RNF144B: variants seen among roughly 807,000 people sequenced by gnomAD.
RNF144B encodes ring finger protein 144B, also known as E3 ubiquitin-protein ligase RNF144B.
In RNF144B, 25 loss-of-function variants were observed where a neutral mutation model predicts 40.2. That is an observed-to-expected ratio of 0.62 (90% CI 0.45 to 0.87). The LOEUF (loss-of-function observed/expected upper bound fraction) is 0.87, where lower values mean the gene tolerates loss of function less well. RNF144B is among the 40% of genes least tolerant of loss of function. RNF144B has a pLI of 0.00. For synonymous variants in RNF144B, 145 were observed against 136.3 expected, an observed-to-expected ratio of 1.06 and a Z score of -0.44; for missense variants, 365 against 373.7, an observed-to-expected ratio of 0.98 and a Z score of 0.19.
chr6:18,396,831 A>T, intron 1 of RNF144B: 1 of 985,168 alleles, frequency 1.0e-6, no homozygotes, highest in African/African-American at 1.7e-5. Flanking sequence ...AGGTAAAGTC[A>T]TTCATTTTTA....
chr6:18,453,103 T>C (rs1759246058), intron 4 of RNF144B, among the ~76,000 whole-genome samples: 1 of 151,164 alleles, frequency 6.6e-6, no homozygotes, highest in Non-Finnish European at 1.5e-5. Flanking sequence ...TACATGTTTT[T>C]ATAAAAATGT....
At chr6:18,449,664 T>A (rs1759164723) in intron 4 of RNF144B, among the ~76,000 whole-genome samples, 1 of 151,472 alleles carries the variant, frequency 6.6e-6, no homozygotes, top group Admixed American at 6.6e-5. Context: ...CAGATAAAAT[T>A]GTATGTATTT....
intron 7 of RNF144B, 142 bp downstream of exon 7, chr6:18,463,522 A>C: frequency 1.6e-6 from 1 of 615,538 alleles, no homozygotes; most frequent in East Asian, 2.8e-5. Flanking sequence ...GGGCAGGGCT[A>C]GGGAAAAGTA....
Position 18,465,184 on chromosome 6 carries a change from C to G in RNF144B, c.*117C>G. ...GCCAACTTTGAAAGTGCCTCCGTGTCCAGACTTTGAACTTGCCTGCCAGCC... is the reference window on the plus strand; with the variant it reads ...GCCAACTTTGAAAGTGCCTCCGTGTGCAGACTTTGAACTTGCCTGCCAGCC... On this transcript the variant is annotated 3_prime_UTR_variant, in exon 8 of 8. Coordinates refer to ENST00000259939, the MANE Select transcript of RNF144B (RefSeq NM_182757.4). The G allele has an allele frequency of 9.4e-7, 1 of 1,059,322 alleles. No homozygotes were observed. Among genetic ancestry groups the G allele is most frequent in the Non-Finnish European group, 1.4e-6 (1 of 728,562 alleles). The allele number at this position is 1,059,322 out of a possible 1,614,324, so 65.6% of individuals were successfully genotyped here.
rs969356092 is a variant in RNF144B at position 18,414,510 on chromosome 6, A to G, written c.166-13071A>G. On this transcript the variant is annotated intron_variant, in intron 2 of 7. Transcript: ENST00000259939. This position sits in a 1 kb window ranked among gnomAD's most constrained non-coding sequence, Gnocchi z 4.9. ...TTATTCTGTCACTTATACAGTGTTA[A>G]TATTCTTTTAAAATTTCAAAAATTC... Among the ~76,000 whole-genome samples, 1 of 152,186 alleles carries G rather than the reference A, an allele frequency of 6.6e-6. No homozygotes were observed. The highest frequency in any genetic ancestry group is 1.5e-5 in the Non-Finnish European group (1 of 68,032).
rs1020216042 is a variant in RNF144B at position 18,446,857 on chromosome 6, G to T, written c.331+7113G>T. On this transcript the variant is annotated intron_variant, in intron 4 of 7. Transcript: ENST00000259939. This position sits in a 1 kb window ranked among gnomAD's most constrained non-coding sequence, Gnocchi z 4.7. The stretch of plus-strand genomic sequence containing the variant: ...TATTTTAGGGTGTGTGTGTGTGTGT[G>T]TGTGTGTGTGTGTGTGTCTGTGTGT... Among the ~76,000 whole-genome samples, 1 of 148,280 alleles carries T rather than the reference G, an allele frequency of 6.7e-6. No individual in the cohort carries two copies. Among genetic ancestry groups the T allele is most frequent in the Non-Finnish European group, 1.5e-5 (1 of 66,132 alleles).
intron 2 of RNF144B, among the ~76,000 whole-genome samples, chr6:18,402,314 G>C (rs1794812560): frequency 1.1e-5 from 1 of 87,760 alleles, no homozygotes; most frequent in Non-Finnish European, 2.7e-5. Flanking sequence ...AATAGGGGGT[G>C]CAGTATACTC....
At chr6:18,449,663 TTGTA>T (rs1456025759) in intron 4 of RNF144B, among the ~76,000 whole-genome samples, 1 of 151,552 alleles carries the variant, frequency 6.6e-6, no homozygotes, top group African/African-American at 2.4e-5. Context: ...ACAGATAAAA[TTGTA>T]TGTATTTACT....
chr6:18,427,256 A>T (rs923082702), intron 2 of RNF144B, among the ~76,000 whole-genome samples: 30 of 149,996 alleles, frequency 2.0e-4, no homozygotes, highest in African/African-American at 4.4e-4. Flanking sequence ...AGGAACTCAT[A>T]TTTTTTTTTT....
At chr6:18,455,649 T>C (rs2113533041) in intron 4 of RNF144B, among the ~76,000 whole-genome samples, 1 of 152,248 alleles carries the variant, frequency 6.6e-6, no homozygotes, top group East Asian at 1.9e-4. Context: ...ACCCCTCAAA[T>C]AACATCATTT....
chr6:18,451,024 AT>A (rs1266404058), intron 4 of RNF144B, among the ~76,000 whole-genome samples: 3 of 152,256 alleles, frequency 2.0e-5, no homozygotes, highest in South Asian at 2.1e-4. Flanking sequence ...GGATAAAAAA[AT>A]CATAACAAAC....
intron 3 of RNF144B, among the ~76,000 whole-genome samples, chr6:18,438,524 T>C (rs1444354049): frequency 1.3e-5 from 2 of 152,200 alleles, no homozygotes; most frequent in Non-Finnish European, 2.9e-5. Context: ...CAAACTTGTT[T>C]TGTGGTCCTT....
intron 1 of RNF144B, 106 bp from the exon 2 acceptor site, chr6:18,399,393 T>G: frequency 2.6e-6 from 2 of 774,224 alleles, no homozygotes; most frequent in Admixed American, 6.1e-5. Flanking sequence ...CTGTAAGTTT[T>G]GGGATAACTG....
Position 18,468,443 on chromosome 6 carries a change from C to T in RNF144B, c.*3376C>T, listed in dbSNP as rs1376756575. 1.3e-5 allele frequency: 2 copies of T among 152,142 alleles called. No individual in the cohort carries two copies. Among genetic ancestry groups the T allele is most frequent in the African/African-American group, 2.4e-5 (1 of 41,430 alleles). 9.4% of individuals were successfully genotyped at this position (152,142 alleles called of 1,614,324 possible). A position where few individuals can be genotyped will look rare whatever the true frequency, so the allele number is the denominator to read the frequency against. On this transcript the variant is annotated 3_prime_UTR_variant, in exon 8 of 8. Coordinates refer to ENST00000259939, the MANE Select transcript of RNF144B (RefSeq NM_182757.4). ...TAATTCTGTGTGAATTTTCTTGTAGCGTGCTTCATGAAAATATCTACTTAT... is the reference window on the plus strand; with the variant it reads ...TAATTCTGTGTGAATTTTCTTGTAGTGTGCTTCATGAAAATATCTACTTAT...
rs1759044293 is a variant in RNF144B, at chr6:18,444,891, T to G, written c.331+5147T>G. Among the ~76,000 whole-genome samples the G allele has an allele frequency of 1.3e-5, 2 of 152,224 alleles. No individual in the cohort carries two copies. Among genetic ancestry groups the G allele is most frequent in the Non-Finnish European group, 2.9e-5 (2 of 68,038 alleles). On this transcript the variant is annotated intron_variant, in intron 4 of 7. Transcript: ENST00000259939. This position sits in a 1 kb window ranked among gnomAD's most constrained non-coding sequence, Gnocchi z 4.3. ...TCCTTTCATTTCATGTCTTCACATTTATGATATTACTCTAGTTTCACCTTG... is the reference window on the plus strand; with the variant it reads ...TCCTTTCATTTCATGTCTTCACATTGATGATATTACTCTAGTTTCACCTTG...
chr6:18,403,902 C>T (rs9396861), intron 2 of RNF144B, among the ~76,000 whole-genome samples: 1 of 151,878 alleles, frequency 6.6e-6, no homozygotes, highest in Admixed American at 6.6e-5. Context: ...TCCTGGCTTT[C>T]TAAAAACTCA....
intron 2 of RNF144B, among the ~76,000 whole-genome samples, chr6:18,413,483 G>C (rs1170838187): frequency 6.6e-6 from 1 of 152,204 alleles, no homozygotes; most frequent in African/African-American, 2.4e-5. Context: ...TGAGTGTTCT[G>C]TGAACTTTCC....
chr6:18,400,656 C>T lies in RNF144B; in HGVS notation c.165+957C>T, dbSNP rs1562040672. On this transcript the variant is annotated intron_variant, in intron 2 of 7. Transcript: ENST00000259939. This position sits in a 1 kb window ranked among gnomAD's most constrained non-coding sequence, Gnocchi z 5.6. ...GTTCCTGTAGGCTTCAGTGATGACA[C>T]AGAATAGCATTGTTCATTTAATCAA... 6.6e-6 allele frequency among the ~76,000 whole-genome samples: 1 copy of T among 152,144 alleles called. No homozygotes were observed. Among genetic ancestry groups the T allele is most frequent in the Non-Finnish European group, 1.5e-5 (1 of 68,034 alleles).
chr6:18,406,880 G>T lies in RNF144B; in HGVS notation c.165+7181G>T, dbSNP rs1411823895. ...GGAGGTTTAATTGACTCACAGTTCT[G>T]CATGGATGGGGAGGCCTCAGGAAAC... On this transcript the variant is annotated intron_variant, in intron 2 of 7. Transcript: ENST00000259939. This position sits in a 1 kb window ranked among gnomAD's most constrained non-coding sequence, Gnocchi z 4.2. Among the ~76,000 whole-genome samples, 1 of 152,104 alleles carries T rather than the reference G, an allele frequency of 6.6e-6. No individual in the cohort carries two copies. The highest frequency in any genetic ancestry group is 2.4e-5 in the African/African-American group (1 of 41,412).
Sources: allele counts gnomAD v4.1 joint callset (sites outside exome capture counted in the v4.1 genomes callset), GRCh38; gene constraint gnomAD v4.1.1; non-coding constraint Gnocchi (gnomAD v3.1); transcripts MANE v1.5; gene names NCBI Gene and HGNC (gene_info 2026-07-23, HGNC 2026-07-21).